GPHN: variants seen among roughly 807,000 people sequenced by gnomAD.
GPHN encodes gephyrin.
Under a neutral mutation model 95.5 loss-of-function variants are expected in GPHN, and 17 were observed. That is an observed-to-expected ratio of 0.18 (90% CI 0.12 to 0.27). The LOEUF (loss-of-function observed/expected upper bound fraction) is 0.27. Ranked by LOEUF, GPHN falls within the 10% of genes least tolerant of loss-of-function variation. The pLI is 1.00. For missense variants in GPHN, 660 were observed against 978.1 expected (o/e 0.67, Z 4.34); for synonymous variants, 320 against 322.5 (o/e 0.99, Z 0.08).
chr14:67,152,364 A>G (rs2153711571), intron 18 of GPHN, among the ~76,000 whole-genome samples: 1 of 152,308 alleles, frequency 6.6e-6, no homozygotes, highest in South Asian at 2.1e-4. Context: ...CTTTTAGCAA[A>G]TGTTATATGA....
At chr14:67,415,608 C>T in the GPHN span, among the ~76,000 whole-genome samples, 7 of 152,322 alleles carry the variant, frequency 4.6e-5, no homozygotes, top group East Asian at 3.9e-4. Flanking sequence ...AGTCTCACTG[C>T]GTCTACGCCA....
chr14:66,546,911 G>C (rs906997737), intron 1 of GPHN, among the ~76,000 whole-genome samples: 4 of 152,310 alleles, frequency 2.6e-5, no homozygotes, highest in Admixed American at 1.3e-4. Flanking sequence ...TAATGTACTT[G>C]TATGGGCCTC....
chr14:67,330,455 A>ATTT, the GPHN span, among the ~76,000 whole-genome samples: 6 of 117,804 alleles, frequency 5.1e-5, no homozygotes, highest in Non-Finnish European at 7.2e-5. Flanking sequence ...ATTTCCCTTC[A>ATTT]TTTTTTTTTT....
intron 6 of GPHN, among the ~76,000 whole-genome samples, chr14:66,921,480 C>T (rs548188193): frequency 2.5e-4 from 34 of 134,042 alleles, no homozygotes; most frequent in Non-Finnish European, 4.4e-4. Flanking sequence ...TGTTTGAGTT[C>T]GTTGTAGATT....
chr14:67,240,922 G>C, the GPHN span, among the ~76,000 whole-genome samples: 11 of 152,254 alleles, frequency 7.2e-5, no homozygotes, highest in Non-Finnish European at 1.2e-4. Context: ...ACAAATGTTA[G>C]ATTGGGTGAC....
chr14:67,056,679 C>T (rs548615914), intron 10 of GPHN, among the ~76,000 whole-genome samples: 18 of 152,290 alleles, frequency 1.2e-4, no homozygotes, highest in African/African-American at 4.1e-4. Context: ...GTGGATCACA[C>T]GCCAGGGCCG....
At chr14:67,721,773 C>G in the GPHN span, among the ~76,000 whole-genome samples, 46 of 149,138 alleles carry the variant, frequency 3.1e-4, no homozygotes, top group African/African-American at 1.0e-3. Flanking sequence ...ATGTATAACA[C>G]ATATATATAT....
the GPHN span, among the ~76,000 whole-genome samples, chr14:67,416,920 T>C: frequency 6.6e-6 from 1 of 152,234 alleles, no homozygotes. Context: ...GGTCCTACTG[T>C]GCATGACCAG....
At chr14:67,561,805 G>A in the GPHN span, 1 of 641,416 alleles carries the variant, frequency 1.6e-6, no homozygotes, top group Non-Finnish European at 2.7e-6. Context: ...GGGAGGTCAA[G>A]GCTGCAGTGA....
At chr14:67,323,200 T>G in the GPHN span, among the ~76,000 whole-genome samples, 1 of 147,938 alleles carries the variant, frequency 6.8e-6, no homozygotes, top group East Asian at 2.0e-4. Context: ...GTATTATATG[T>G]GTATATATAT....
At chr14:66,834,070 T>C (rs2061692191) in intron 4 of GPHN, among the ~76,000 whole-genome samples, 2 of 152,178 alleles carry the variant, frequency 1.3e-5, no homozygotes, top group Non-Finnish European at 2.9e-5. Context: ...AAAGTCTAAA[T>C]ATATCAAACT....
the GPHN span, among the ~76,000 whole-genome samples, chr14:67,350,197 C>T: frequency 8.6e-5 from 13 of 151,940 alleles, no homozygotes; most frequent in African/African-American, 2.4e-4. Flanking sequence ...ATTTATCCTA[C>T]GGGAATAATT....
At chr14:67,147,575 C>A (rs1214782860) in intron 18 of GPHN, among the ~76,000 whole-genome samples, 1 of 152,076 alleles carries the variant, frequency 6.6e-6, no homozygotes, top group South Asian at 2.1e-4. Flanking sequence ...CTCACTCTGT[C>A]ACCCAGGGTA....
At chr14:67,347,698 C>T in the GPHN span, among the ~76,000 whole-genome samples, 1 of 151,916 alleles carries the variant, frequency 6.6e-6, no homozygotes, top group African/African-American at 2.4e-5. Context: ...CGGGGTTTCT[C>T]CATGTTGGTA....
At chr14:67,213,095 G>GTT in the GPHN span, among the ~76,000 whole-genome samples, 7,269 of 135,610 alleles carry the variant, frequency 0.054, 364 homozygotes, top group African/African-American at 0.13. Context: ...ATTCTGTGGT[G>GTT]TTTTTTTTTT....
At chr14:67,473,555 G>C in the GPHN span, 1 of 1,613,754 alleles carries the variant, frequency 6.2e-7, no homozygotes, top group Non-Finnish European at 8.5e-7. This position sits in a 1 kb window ranked among gnomAD's most constrained non-coding sequence, Gnocchi z 6.5. Flanking sequence ...CGCAGAACCA[G>C]GGCACGGCGT....
intron 1 of GPHN, among the ~76,000 whole-genome samples, chr14:66,659,903 A>G (rs2065537798): frequency 6.6e-6 from 1 of 152,092 alleles, no homozygotes; most frequent in Non-Finnish European, 1.5e-5. Flanking sequence ...CACCATTTAC[A>G]TTTATATAAT....
chr14:66,564,956 A>G (rs947610005), intron 1 of GPHN, among the ~76,000 whole-genome samples: 1 of 152,128 alleles, frequency 6.6e-6, no homozygotes, highest in Non-Finnish European at 1.5e-5. Flanking sequence ...TGCTGGGACT[A>G]GCATGTATTT....
chr14:67,304,549 ATATATTGGTTCATT>A, the GPHN span, among the ~76,000 whole-genome samples: 1 of 152,244 alleles, frequency 6.6e-6, no homozygotes, highest in Admixed American at 6.5e-5. Context: ...ACAAAAGGCC[ATATATTGGTTCATT>A]TATATAAAAT....
Sources: gnomAD v4.1 joint callset for allele counts (sites outside exome capture counted in the v4.1 genomes callset) on GRCh38, gnomAD v4.1.1 for gene constraint, Gnocchi (gnomAD v3.1) non-coding constraint, MANE v1.5 for transcripts, NCBI Gene and HGNC (gene_info 2026-07-23, HGNC 2026-07-21) for gene names.